DCAF6: variants seen among roughly 807,000 people sequenced by gnomAD.
The protein encoded by DCAF6 is DDB1 and CUL4 associated factor 6.
A neutral mutation model predicts 125.1 loss-of-function variants in DCAF6; 54 were observed. The observed-to-expected ratio is 0.43, with a 90% CI of 0.35 to 0.54. The LOEUF is 0.54. Ranked by LOEUF, DCAF6 falls within the 20% of genes least tolerant of loss-of-function variation. The pLI, the probability that DCAF6 is intolerant of heterozygous loss-of-function variation, is 0.01. For synonymous variants in DCAF6, 371 were observed against 390.4 expected (o/e 0.95, Z 0.58); for missense variants, 934 against 1,161.7 (o/e 0.80, Z 2.85).
the DCAF6 span, chr1:167,880,098 G>A: frequency 8.7e-6 from 14 of 1,607,086 alleles, no homozygotes; most frequent in Non-Finnish European, 1.7e-6. Context: ...AGCTGGAGAT[G>A]AGCTGACCCA....
chr1:168,028,424 A>T (rs1314239931), intron 12 of DCAF6, among the ~76,000 whole-genome samples: 9 of 152,178 alleles, frequency 5.9e-5, no homozygotes, highest in Non-Finnish European at 1.5e-5. Flanking sequence ...TATTCCTTAC[A>T]GTGATTCCAT....
the DCAF6 span, among the ~76,000 whole-genome samples, chr1:167,928,923 T>C: frequency 6.6e-6 from 1 of 152,160 alleles, no homozygotes; most frequent in Non-Finnish European, 1.5e-5. Flanking sequence ...ATGAAAGAAA[T>C]TGTCCACATC....
At chr1:167,865,794 C>T in the DCAF6 span, among the ~76,000 whole-genome samples, 1 of 152,182 alleles carries the variant, frequency 6.6e-6, no homozygotes, top group Non-Finnish European at 1.5e-5. Context: ...AGTTGTTATG[C>T]TTGTGCACAT....
chr1:167,996,702 C>G (rs1455702662), intron 7 of DCAF6, among the ~76,000 whole-genome samples: 1 of 152,176 alleles, frequency 6.6e-6, no homozygotes, highest in Non-Finnish European at 1.5e-5. Context: ...ATTATTACTT[C>G]TACTGTTTTC....
chr1:167,977,440 C>A (rs1384724925), intron 4 of DCAF6, among the ~76,000 whole-genome samples: 1 of 152,018 alleles, frequency 6.6e-6, no homozygotes, highest in East Asian at 1.9e-4. Flanking sequence ...GTTGAAGTTG[C>A]AAAGTCAGAC....
At chr1:167,935,728 A>G (rs1671125996), upstream of DCAF6, 1 of 1,557,352 alleles carries the variant, frequency 6.4e-7, no homozygotes. Flanking sequence ...TTCAGGGTCC[A>G]TTACCTGCTG....
At chr1:167,892,801 A>G in the DCAF6 span, among the ~76,000 whole-genome samples, 1 of 152,222 alleles carries the variant, frequency 6.6e-6, no homozygotes, top group Non-Finnish European at 1.5e-5. Context: ...TGATGGGACT[A>G]AGTATTAAAG....
At chr1:168,019,373 A>G (rs1056464368) in intron 11 of DCAF6, among the ~76,000 whole-genome samples, 3 of 152,174 alleles carry the variant, frequency 2.0e-5, no homozygotes, top group Admixed American at 1.3e-4. Context: ...TAATTGTAGT[A>G]TGTTGTTTGC....
chr1:167,935,698 A>T (rs984861856), upstream of DCAF6: 17 of 1,517,412 alleles, frequency 1.1e-5, no homozygotes, highest in Non-Finnish European at 1.3e-5. Flanking sequence ...AGCGAGAAGG[A>T]AGGTCTCGAT....
chr1:168,022,552 G>A (rs948813707), intron 11 of DCAF6, among the ~76,000 whole-genome samples: 1 of 152,120 alleles, frequency 6.6e-6, no homozygotes, highest in Non-Finnish European at 1.5e-5. Flanking sequence ...CCACAGTACA[G>A]CAAACAACAT....
chr1:167,882,200 G>A, the DCAF6 span, among the ~76,000 whole-genome samples: 2 of 152,086 alleles, frequency 1.3e-5, no homozygotes, highest in African/African-American at 4.8e-5. Context: ...AGAACAGAGT[G>A]AAGACCAGGT....
At chr1:168,049,646 ATTTTTTTTTTT>A (rs756012977) in intron 16 of DCAF6, among the ~76,000 whole-genome samples, 5 of 90,300 alleles carry the variant, frequency 5.5e-5, no homozygotes, top group East Asian at 5.8e-4. Context: ...TCTGCATATA[ATTTTTTTTTTT>A]TTTTTTTTTT....
At chr1:167,882,374 A>G in the DCAF6 span, among the ~76,000 whole-genome samples, 1 of 151,518 alleles carries the variant, frequency 6.6e-6, no homozygotes, top group Non-Finnish European at 1.5e-5. Context: ...AATCCCAGCT[A>G]CTCAGGAGGC....
chr1:167,977,551 G>C (rs1363924269), intron 4 of DCAF6, among the ~76,000 whole-genome samples: 1 of 151,838 alleles, frequency 6.6e-6, no homozygotes, highest in Admixed American at 6.6e-5. Flanking sequence ...TTTTATGTCA[G>C]AACAGTGTGT....
chr1:167,936,075 G>A, upstream of DCAF6: 1 of 580,326 alleles, frequency 1.7e-6, no homozygotes, highest in South Asian at 2.0e-5. Flanking sequence ...GTCCGCCTCC[G>A]GCCCCCGGCA....
chr1:167,984,138 C>T lies in DCAF6; in HGVS notation c.439-3357C>T, dbSNP rs542511617. 3.3e-5 allele frequency among the ~76,000 whole-genome samples: 5 copies of T among 152,024 alleles called. No individual in the cohort carries two copies. In the South Asian group the frequency reaches 8.3e-4, roughly 25 times the overall value. On this transcript the variant is annotated intron_variant, in intron 4 of 21. Coordinates refer to ENST00000367840, the MANE Select transcript of DCAF6 (RefSeq NM_001198956.2). ...AAATGTTTCTTGGATTGTTCTAATC[C>T]CTTGGTTAAATTTCACAGTTCTAAA...
chr1:167,910,694 C>G, the DCAF6 span, among the ~76,000 whole-genome samples: 73 of 152,246 alleles, frequency 4.8e-4, no homozygotes, highest in Non-Finnish European at 6.0e-4. Context: ...CAGTATGTTC[C>G]GTAGGCATGG....
At position 168,009,401 on chromosome 1, in the gene DCAF6, TTCTC is replaced by T. The variant is rs150718654; in HGVS notation, c.1378+4618_1378+4621del. ...TTCCTTCCTTCCTTTCTTTCTTTCT[TTCTC>T]TCTCTCTCTTTTGTTTCTTTCTGTC... On this transcript the variant is annotated intron_variant, in intron 10 of 21. Coordinates refer to ENST00000367840, the MANE Select transcript of DCAF6 (RefSeq NM_001198956.2). Among the ~76,000 whole-genome samples the T allele has an allele frequency of 4.0e-4, 58 of 143,260 alleles. 1 individual carries two copies. The South Asian group carries it at 7.0e-3, about 17-fold the overall frequency. 94.0% of individuals were successfully genotyped at this position (143,260 alleles called of 152,430 possible). A position where few individuals can be genotyped will look rare whatever the true frequency, so the allele number is the denominator to read the frequency against.
chr1:167,891,379 G>A, the DCAF6 span, among the ~76,000 whole-genome samples: 8 of 151,846 alleles, frequency 5.3e-5, no homozygotes, highest in South Asian at 2.1e-4. Context: ...GTGTTGGGTC[G>A]GGCGCAGTGG....
Sources: gnomAD v4.1 joint callset for allele counts (sites outside exome capture counted in the v4.1 genomes callset) on GRCh38, gnomAD v4.1.1 for gene constraint, MANE v1.5 for transcripts, NCBI Gene and HGNC (gene_info 2026-07-23, HGNC 2026-07-21) for gene names.